The following ABCB10 variants were observed in gnomAD, a reference collection of about 807,000 sequenced individuals.
The protein encoded by ABCB10 is ATP binding cassette subfamily B member 10.
In ABCB10, 54 loss-of-function variants were observed where a neutral mutation model predicts 65.4. That is an observed-to-expected ratio of 0.83 (90% CI 0.66 to 1.04). The LOEUF is 1.04. Among genes scored for constraint, ABCB10 ranks in the 50% least tolerant of loss-of-function variants. ABCB10 has a pLI of 0.00. For missense variants in ABCB10, 846 were observed against 976.6 expected (o/e 0.87, Z 1.78); for synonymous variants, 418 against 406.5 (o/e 1.03, Z -0.34).
At chr1:229,550,732 T>C (rs1271280740) in intron 1 of ABCB10, among the ~76,000 whole-genome samples, 1 of 149,526 alleles carries the variant, frequency 6.7e-6, no homozygotes, top group East Asian at 2.0e-4. Flanking sequence ...GGTGTGTTGG[T>C]GCGCACCTGT....
At chr1:229,539,727 A>G in intron 5 of ABCB10, 136 bp from the exon 6 acceptor site, 13 of 1,005,764 alleles carry the variant, frequency 1.3e-5, no homozygotes, top group Non-Finnish European at 1.7e-5. Flanking sequence ...ATTTCACCTG[A>G]GTTTCAAATT....
At chr1:229,535,541 G>C (rs574001850) in intron 6 of ABCB10, among the ~76,000 whole-genome samples, 1 of 152,152 alleles carries the variant, frequency 6.6e-6, no homozygotes, top group South Asian at 2.1e-4. Flanking sequence ...GGAAACAGTA[G>C]GTTGCAGAAG....
intron 8 of ABCB10, among the ~76,000 whole-genome samples, chr1:229,527,825 C>A (rs1481178081): frequency 1.3e-5 from 2 of 152,180 alleles, no homozygotes; most frequent in African/African-American, 4.8e-5. Context: ...TGGAGTTCTG[C>A]AAACTGTCCT....
rs546462477 is a variant in ABCB10 at position 229,518,292 on chromosome 1, C to T, written c.2104G>A (p.Ala702Thr). 3 of 1,614,196 alleles carry T rather than the reference C, an allele frequency of 1.9e-6. No individual in the cohort carries two copies. Among genetic ancestry groups the T allele is most frequent in the South Asian group, 1.1e-5 (1 of 91,086 alleles). The change falls in exon 13 of 13, where the codon GCT becomes ACT. Residue 702 changes from alanine to threonine, a missense_variant. Coordinates refer to ENST00000344517, the MANE Select transcript of ABCB10 (RefSeq NM_012089.3). ...LSTIKNANMV[A>T]VLDQGKITEY... ...GTAATTTTTCCTTGGTCAAGAACAGCAACCATATTAGCATTCTTAATGGTG... is the reference window on the plus strand; with the variant it reads ...GTAATTTTTCCTTGGTCAAGAACAGTAACCATATTAGCATTCTTAATGGTG...
intron 7 of ABCB10, 63 bp downstream of exon 7, chr1:229,531,573 G>T: frequency 1.3e-6 from 2 of 1,491,926 alleles, no homozygotes; most frequent in Non-Finnish European, 1.9e-6. Flanking sequence ...CAGGGGAAGA[G>T]CTGGTCTCAT....
At chr1:229,550,661 T>C (rs1266198835) in intron 1 of ABCB10, among the ~76,000 whole-genome samples, 2 of 149,196 alleles carry the variant, frequency 1.3e-5, no homozygotes, top group Middle Eastern at 3.5e-3. Flanking sequence ...AAGACTACCA[T>C]GGCCAACATG....
In ABCB10 at chr1:229,523,068, A is replaced by C. The variant is rs1263723876; in HGVS notation, c.1907-1433T>G. On this transcript the variant is annotated intron_variant, in intron 10 of 12. Transcript: ENST00000344517. ...TTTTTTCCCCTCCTCTAGAGGAAAAAATAGTAATATGTGTGTATGTATGAC... is the reference window on the plus strand; with the variant it reads ...TTTTTTCCCCTCCTCTAGAGGAAAACATAGTAATATGTGTGTATGTATGAC... Among the ~76,000 whole-genome samples the C allele has an allele frequency of 4.6e-5, 7 of 152,228 alleles. No homozygotes were observed. The East Asian group carries it at 1.3e-3, about 29-fold the overall frequency.
intron 1 of ABCB10, among the ~76,000 whole-genome samples, chr1:229,557,446 A>G (rs1211109795): frequency 6.6e-6 from 1 of 152,240 alleles, no homozygotes; most frequent in Non-Finnish European, 1.5e-5. Flanking sequence ...AATCGAAAAA[A>G]TTTTAGATCT....
chr1:229,536,114 C>T (rs780152926), intron 6 of ABCB10, among the ~76,000 whole-genome samples: 7 of 151,992 alleles, frequency 4.6e-5, no homozygotes, highest in Non-Finnish European at 1.0e-4. Flanking sequence ...GTATACACCC[C>T]TATCTCCACA....
intron 6 of ABCB10, among the ~76,000 whole-genome samples, chr1:229,537,019 A>G (rs900805721): frequency 6.6e-6 from 1 of 152,246 alleles, no homozygotes; most frequent in African/African-American, 2.4e-5. Flanking sequence ...TGAAAATATT[A>G]TGCTAAGTGT....
intron 6 of ABCB10, among the ~76,000 whole-genome samples, chr1:229,534,626 T>C (rs1003768894): frequency 1.3e-5 from 2 of 151,724 alleles, no homozygotes; most frequent in African/African-American, 4.8e-5. Flanking sequence ...CCCAGGACTT[T>C]GGGAGGCCGA....
intron 1 of ABCB10, chr1:229,549,814 C>T (rs1663063529): frequency 4.4e-6 from 1 of 227,910 alleles, no homozygotes; most frequent in Non-Finnish European, 8.8e-6. Flanking sequence ...GCTATACATG[C>T]TATACTCCTT....
chr1:229,556,518 AAAG>A lies in ABCB10; in HGVS notation c.517+1615_517+1617del, dbSNP rs1037150206. On this transcript the variant is annotated intron_variant, in intron 1 of 12. Coordinates refer to ENST00000344517, the MANE Select transcript of ABCB10 (RefSeq NM_012089.3). Reference sequence around the variant, plus strand: ...GTGAGACCCCTATCCCAGAAAAACAAAAGAAGAAAGAAAAAAGGAGGCAGTCTC... The same window carrying A: ...GTGAGACCCCTATCCCAGAAAAACAAAAGAAAGAAAAAAGGAGGCAGTCTC... Among the ~76,000 whole-genome samples the A allele has an allele frequency of 5.3e-5, 8 of 152,286 alleles. No individual in the cohort carries two copies. In the South Asian group the frequency reaches 1.0e-3, roughly 20 times the overall value.
At chr1:229,542,134 A>C (rs1433797414) in intron 4 of ABCB10, 103 bp downstream of exon 4, 6 of 1,390,814 alleles carry the variant, frequency 4.3e-6, no homozygotes, top group Non-Finnish European at 5.7e-6. Flanking sequence ...AAAGGCAGGC[A>C]CTTCATTGAA....
intron 11 of ABCB10, among the ~76,000 whole-genome samples, chr1:229,520,396 G>A (rs1443628435): frequency 6.6e-6 from 1 of 151,322 alleles, no homozygotes; most frequent in African/African-American, 2.4e-5. Context: ...CTTGCAACCT[G>A]GGAGGCAGAG....
intron 6 of ABCB10, among the ~76,000 whole-genome samples, chr1:229,537,073 A>C (rs1488939326): frequency 6.6e-6 from 1 of 152,274 alleles, no homozygotes; most frequent in African/African-American, 2.4e-5. Flanking sequence ...GATTCCTTTT[A>C]TATGAAATAG....
Position 229,539,451 on chromosome 1 carries a change from T to C in ABCB10, c.1339+5A>G. 6.2e-6 allele frequency: 10 copies of C among 1,613,828 alleles called. No individual in the cohort carries two copies. Among genetic ancestry groups the C allele is most frequent in the Non-Finnish European group, 8.5e-6 (10 of 1,179,804 alleles). On this transcript the variant is annotated splice_donor_5th_base_variant and intron_variant, in intron 6 of 12. Coordinates refer to ENST00000344517, the MANE Select transcript of ABCB10 (RefSeq NM_012089.3). ...TAACACCCCAAGCCTATTTAAATTA[T>C]TTACCTCCAATGCTTATTCCAACCC...
Position 229,531,710 on chromosome 1 carries a change from T to C in ABCB10, c.1361A>G (p.Glu454Gly). Reference protein sequence around the residue: ...SIGGLSSFYSELMKGLGAGGR... With the variant: ...SIGGLSSFYSGLMKGLGAGGR... ...CCCTGCACCCAGTCCTTTCATCAGC[T>C]CCGAGTAGAAAGAGCTCAGACCTGA... The change falls in exon 7 of 13, where the codon GAG becomes GGG. Residue 454 changes from glutamate (E) to glycine (G), a missense_variant. Coordinates refer to ENST00000344517, the MANE Select transcript of ABCB10 (RefSeq NM_012089.3). 1.9e-6 allele frequency: 3 copies of C among 1,613,788 alleles called. No homozygotes were observed. The highest frequency in any genetic ancestry group is 2.5e-6 in the Non-Finnish European group (3 of 1,179,810).
In ABCB10 at chr1:229,555,979, C is replaced by CAA. The variant is rs34673510; in HGVS notation, c.517+2155_517+2156dup. On this transcript the variant is annotated intron_variant, in intron 1 of 12. Transcript: ENST00000344517. ...AATATGTATTTATCTGTTTGAAAAG[C>CAA]AAAAAAAAAAAAAAAAATAGTGTGC... 2.5e-3 allele frequency among the ~76,000 whole-genome samples: 313 copies of CAA among 124,204 alleles called. 2 individuals carry two copies. The highest frequency in any genetic ancestry group is 0.013 in the Middle Eastern group (3 of 230). The allele number at this position is 124,204 out of a possible 152,430, so 81.5% of individuals were successfully genotyped here.
Sources: allele counts gnomAD v4.1 joint callset (sites outside exome capture counted in the v4.1 genomes callset), GRCh38; gene constraint gnomAD v4.1.1; transcripts MANE v1.5; gene names NCBI Gene and HGNC (gene_info 2026-07-23, HGNC 2026-07-21).